The following ALAS2 variants were observed in gnomAD, a reference collection of about 807,000 sequenced individuals.
The protein encoded by ALAS2 is 5-aminolevulinate synthase, erythroid-specific, mitochondrial.
In ALAS2, 3 loss-of-function variants were observed where a neutral mutation model predicts 33.7. The ratio of observed to expected loss-of-function variants is 0.09; its 90% CI spans 0.04 to 0.23. ALAS2 has a LOEUF of 0.23. Among genes scored for constraint, ALAS2 ranks in the 10% least tolerant of loss-of-function variants. The pLI is 1.00. For missense variants in ALAS2, 304 were observed against 475.1 expected (o/e 0.64, Z 3.35); for synonymous variants, 191 against 177.3 (o/e 1.08, Z -0.61).
intron 1 of ALAS2, among the ~76,000 whole-genome samples, chrX:55,026,654 A>G (rs1475272678): frequency 8.9e-6 from 1 of 112,009 alleles, no homozygotes; most frequent in East Asian, 2.8e-4. Flanking sequence ...TTGGATAAGC[A>G]CAGATATAGG....
Position 55,015,029 on chromosome X carries a change from G to A in ALAS2, c.1169-14C>T, listed in dbSNP as rs775151643. The A allele has an allele frequency of 8.3e-7, 1 of 1,207,345 alleles. No homozygotes were observed. The highest frequency in any genetic ancestry group is 1.7e-5 in the African/African-American group (1 of 57,807). On this transcript the variant is annotated splice_polypyrimidine_tract_variant and intron_variant, in intron 8 of 10. Transcript: ENST00000650242. ...CAAAGGCCTTGCCTGGAGACAGAAA[G>A]GAATAAGATATACACAGATCCCATA...
intron 10 of ALAS2, among the ~76,000 whole-genome samples, chrX:55,010,778 A>G (rs1487536588): frequency 9.0e-6 from 1 of 111,619 alleles, no homozygotes; most frequent in African/African-American, 3.3e-5. Context: ...CTAATGTGCT[A>G]CTTAATTTGC....
intron 1 of ALAS2, among the ~76,000 whole-genome samples, chrX:55,029,175 C>A (rs1433673048): frequency 8.9e-6 from 1 of 111,732 alleles, no homozygotes; most frequent in African/African-American, 3.3e-5. Context: ...CATGAATATA[C>A]CAGGCTGGGT....
chrX:55,014,762 G>A lies in ALAS2; in HGVS notation c.1422C>T (p.His474=). 6.7e-6 allele frequency: 8 copies of A among 1,185,521 alleles called. No individual in the cohort carries two copies. The highest frequency in any genetic ancestry group is 9.1e-6 in the Non-Finnish European group (8 of 879,085). Residue 474 remains histidine (H), a synonymous_variant, in exon 9 of 11, where the codon CAC becomes CAT. Transcript: ENST00000650242. ...RGLPVIPCPS[H]IIPIRVGNAA... ...GGGCTCTCACCCGGATGGGGATGATGTGGCTGGGGCAGGGGATGACAGGAA... is the reference window on the plus strand; with the variant it reads ...GGGCTCTCACCCGGATGGGGATGATATGGCTGGGGCAGGGGATGACAGGAA...
chrX:55,021,367 C>A, intron 4 of ALAS2, 93 bp from the exon 5 acceptor site: 1 of 724,246 alleles, frequency 1.4e-6, no homozygotes, highest in Non-Finnish European at 2.2e-6. Context: ...TTGAGTTCTC[C>A]AACTCTTTTT....
intron 3 of ALAS2, among the ~76,000 whole-genome samples, chrX:55,024,373 T>C (rs1569547891): frequency 8.9e-6 from 1 of 111,990 alleles, no homozygotes. Flanking sequence ...CAGCTCTTTC[T>C]CTTTCATGCA....
chrX:55,029,015 A>C (rs749328676), intron 1 of ALAS2, among the ~76,000 whole-genome samples: 1 of 112,275 alleles, frequency 8.9e-6, no homozygotes, highest in Non-Finnish European at 1.9e-5. Context: ...AGATTCAGTA[A>C]GATAATCCAT....
chrX:55,012,808 AAAAC>A (rs746919909), intron 10 of ALAS2, among the ~76,000 whole-genome samples: 18 of 112,037 alleles, frequency 1.6e-4, no homozygotes, highest in Middle Eastern at 4.6e-3. Flanking sequence ...AACAAAAACA[AAAAC>A]AAACAAACAA....
rs7881427 is a variant in ALAS2 at position 55,013,171 on chromosome X, T to C, written c.1600+315A>G. Among the ~76,000 whole-genome samples, 13,513 of 111,207 alleles carry C rather than the reference T, an allele frequency of 0.12. 1,972 individuals are homozygous for C. The highest frequency in any genetic ancestry group is 0.42 in the African/African-American group (12,674 of 30,281). ...CTCAGGTGTCACCTCTACTAGGAAG[T>C]GGGTCTTGCATCCCTCAGGCTGAGT... is the stretch of plus-strand genomic sequence containing the variant. On this transcript the variant is annotated intron_variant, in intron 10 of 10. Coordinates refer to ENST00000650242, the MANE Select transcript of ALAS2 (RefSeq NM_000032.5).
rs112081537 is a variant in ALAS2, at chrX:55,015,959, C to G, written c.1004-217G>C. ...CTTCTCTCTCTCTCTCTCTGTCTCTCTGTGTGTGTGTGTGTGTGTGTGTGT... is the reference window on the plus strand; with the variant it reads ...CTTCTCTCTCTCTCTCTCTGTCTCTGTGTGTGTGTGTGTGTGTGTGTGTGT... On this transcript the variant is annotated intron_variant, in intron 7 of 10. Coordinates refer to ENST00000650242, the MANE Select transcript of ALAS2 (RefSeq NM_000032.5). Among the ~76,000 whole-genome samples, 158 of 80,135 alleles carry G rather than the reference C, an allele frequency of 2.0e-3. 2 individuals carry two copies. The highest frequency in any genetic ancestry group is 4.7e-3 in the African/African-American group (97 of 20,850). The allele number at this position is 80,135 out of a possible 115,157, so 69.6% of individuals were successfully genotyped here.
At chrX:55,016,049 G>A (rs915925740) in intron 7 of ALAS2, among the ~76,000 whole-genome samples, 11 of 104,349 alleles carry the variant, frequency 1.1e-4, no homozygotes, top group African/African-American at 1.7e-4. Context: ...CCCAGCCTGG[G>A]ATCAAGGCTT....
intron 4 of ALAS2, among the ~76,000 whole-genome samples, chrX:55,021,517 G>A (rs1333116012): frequency 9.0e-6 from 1 of 111,567 alleles, no homozygotes; most frequent in Non-Finnish European, 1.9e-5. Context: ...CTTTCTTATG[G>A]CCTCATCTCT....
chrX:55,019,730 A>G (rs779134656), intron 6 of ALAS2, among the ~76,000 whole-genome samples: 1 of 111,917 alleles, frequency 8.9e-6, no homozygotes, highest in South Asian at 3.8e-4. Flanking sequence ...AGGTGAGGAC[A>G]TTACAGACTA....
chrX:55,018,828 A>G (rs1935750089), intron 6 of ALAS2, among the ~76,000 whole-genome samples: 1 of 111,499 alleles, frequency 9.0e-6, no homozygotes. Flanking sequence ...TGACTGTTGT[A>G]AAGAATAGAT....
intron 1 of ALAS2, among the ~76,000 whole-genome samples, chrX:55,030,693 T>A (rs1391059353): frequency 2.8e-5 from 3 of 108,536 alleles, no homozygotes; most frequent in Non-Finnish European, 5.7e-5. Flanking sequence ...CAGAGAATGA[T>A]GAAATGAAAT....
At chrX:55,012,566 A>T (rs139868706) in intron 10 of ALAS2, among the ~76,000 whole-genome samples, 1,865 of 112,501 alleles carry the variant, frequency 0.017, 35 homozygotes, top group Admixed American at 0.068. Flanking sequence ...AGGCAGGTGG[A>T]TTACGAGGTC....
Position 55,013,702 on chromosome X carries a change from TAGCTCCATTA to T in ALAS2, c.1438-64_1438-55del, listed in dbSNP as rs1184794309. 8 of 1,168,368 alleles carry T rather than the reference TAGCTCCATTA, an allele frequency of 6.8e-6. No individual in the cohort carries two copies. In the African/African-American group the frequency reaches 1.4e-4, roughly 21 times the overall value. On this transcript the variant is annotated intron_variant, in intron 9 of 10. Coordinates refer to ENST00000650242, the MANE Select transcript of ALAS2 (RefSeq NM_000032.5). ...CCTGCCACTCTGGCTCCACCATCAC[TAGCTCCATTA>T]AGCAGATGGAGGGAACTAGATGAGG...
intron 6 of ALAS2, among the ~76,000 whole-genome samples, chrX:55,018,650 A>G (rs766073034): frequency 1.8e-5 from 2 of 111,749 alleles, no homozygotes; most frequent in East Asian, 5.6e-4. Flanking sequence ...GAGAGGAGGG[A>G]TGCAAAAAGG....
intron 5 of ALAS2, among the ~76,000 whole-genome samples, chrX:55,020,839 C>G (rs1278906971): frequency 8.9e-6 from 1 of 111,961 alleles, no homozygotes; most frequent in Admixed American, 9.5e-5. Context: ...GTCTCCCATC[C>G]TTCCCCTCCA....
Sources: gnomAD v4.1 joint callset for allele counts (sites outside exome capture counted in the v4.1 genomes callset) on GRCh38, gnomAD v4.1.1 for gene constraint, MANE v1.5 for transcripts, NCBI Gene and HGNC (gene_info 2026-07-23, HGNC 2026-07-21) for gene names.